FRMPD2: variants seen among roughly 807,000 people sequenced by gnomAD.
The protein encoded by FRMPD2 is FERM and PDZ domain-containing protein 2.
FRMPD2 carries 96 observed loss-of-function variants against 140.1 expected under a neutral mutation model. The observed-to-expected ratio is 0.69, with a 90% confidence interval of 0.58 to 0.81. The LOEUF (loss-of-function observed/expected upper bound fraction) is 0.81. Ranked by LOEUF, FRMPD2 falls within the 40% of genes least tolerant of loss-of-function variation. The pLI, the probability that FRMPD2 is intolerant of heterozygous loss-of-function variation, is 0.00. For missense variants in FRMPD2, 1,240 were observed against 1,447.4 expected (o/e 0.86, Z 2.32); for synonymous variants, 449 against 547.6 (o/e 0.82, Z 2.52).
At chr10:48,262,928 T>A (rs1380031137) in intron 1 of FRMPD2, among the ~76,000 whole-genome samples, 12 of 151,882 alleles carry the variant, frequency 7.9e-5, no homozygotes, top group Non-Finnish European at 1.5e-4. Context: ...AGTTTAAAAG[T>A]ACAGAAATCA....
At chr10:48,239,543 C>A in intron 7 of FRMPD2, 62 bp downstream of exon 7, 1 of 1,184,432 alleles carries the variant, frequency 8.4e-7, no homozygotes. Flanking sequence ...AATAAGGTAC[C>A]ATAGCCCCCA....
chr10:48,158,484 C>G (rs1316621624), intron 28 of FRMPD2, among the ~76,000 whole-genome samples: 2 of 149,904 alleles, frequency 1.3e-5, no homozygotes, highest in Non-Finnish European at 3.0e-5. Context: ...TCACAGCAAG[C>G]CTCATGTTTT....
Position 48,200,236 on chromosome 10 carries a change from C to T in FRMPD2, c.1954+992G>A, listed in dbSNP as rs368929631. On this transcript the variant is annotated intron_variant, in intron 15 of 28. Coordinates refer to ENST00000374201, the MANE Select transcript of FRMPD2 (RefSeq NM_001018071.4). Reference sequence around the variant, plus strand: ...GCAACCATTTGCTGACTAGAGGTCACACAGGTACTCTGAGTTCCTTGAAGA... The same window carrying T: ...GCAACCATTTGCTGACTAGAGGTCATACAGGTACTCTGAGTTCCTTGAAGA... Among the ~76,000 whole-genome samples, 5 of 151,880 alleles carry T rather than the reference C, an allele frequency of 3.3e-5. No homozygotes were observed. The East Asian group carries it at 7.7e-4, about 23-fold the overall frequency.
At chr10:48,237,888 T>G in intron 8 of FRMPD2, 103 bp downstream of exon 8, 1 of 1,367,004 alleles carries the variant, frequency 7.3e-7, no homozygotes, top group Non-Finnish European at 1.0e-6. Flanking sequence ...CCAGGGAAGT[T>G]GTCCCCTAGA....
At chr10:48,160,530 T>C (rs568522906) in intron 28 of FRMPD2, among the ~76,000 whole-genome samples, 1 of 126,474 alleles carries the variant, frequency 7.9e-6, no homozygotes, top group Admixed American at 7.7e-5. Flanking sequence ...GCTATTTCTT[T>C]TGACCTGCAC....
chr10:48,173,517 C>T (rs1275944466), intron 24 of FRMPD2, among the ~76,000 whole-genome samples: 1 of 151,434 alleles, frequency 6.6e-6, no homozygotes, highest in Non-Finnish European at 1.5e-5. Flanking sequence ...TCCCCTCCAC[C>T]TCCTCTCTCA....
chr10:48,263,688 AG>A (rs948511255), intron 1 of FRMPD2, among the ~76,000 whole-genome samples: 1 of 152,150 alleles, frequency 6.6e-6, no homozygotes, highest in African/African-American at 2.4e-5. Flanking sequence ...CCAGGCCCAA[AG>A]GATTTCACTG....
At chr10:48,220,345 C>A (rs1357211748) in intron 12 of FRMPD2, among the ~76,000 whole-genome samples, 1 of 152,152 alleles carries the variant, frequency 6.6e-6, no homozygotes, top group African/African-American at 2.4e-5. Flanking sequence ...GGAAAGGACA[C>A]CCTATTCAAC....
At chr10:48,265,809 A>T (rs1840667560) in intron 1 of FRMPD2, among the ~76,000 whole-genome samples, 1 of 152,226 alleles carries the variant, frequency 6.6e-6, no homozygotes, top group African/African-American at 2.4e-5. Flanking sequence ...CAGTGTAGAA[A>T]TTCCTCAAAG....
chr10:48,203,668 C>T (rs913424258), intron 14 of FRMPD2, among the ~76,000 whole-genome samples: 16 of 152,084 alleles, frequency 1.1e-4, no homozygotes, highest in African/African-American at 3.6e-4. Flanking sequence ...GTATTTGATA[C>T]ATCTTTGTAT....
intron 14 of FRMPD2, among the ~76,000 whole-genome samples, chr10:48,204,966 TGCTTTGG>T (rs1464249657): frequency 6.6e-6 from 1 of 152,244 alleles, no homozygotes; most frequent in African/African-American, 2.4e-5. Flanking sequence ...TTTCCTTTGC[TGCTTTGG>T]TGCAGGCTGG....
Position 48,223,211 on chromosome 10 carries a change from A to G in FRMPD2, c.1228T>C (p.Trp410Arg), listed in dbSNP as rs763580548. The change falls in exon 11 of 29, where the codon TGG becomes CGG. Residue 410 changes from tryptophan (W) to arginine (R), a missense_variant. Transcript: ENST00000374201. ...GAGGTCTTCTGAGGCTGCTCTCTCC[A>G]GCCTTCAGGAGCTATTTTGCACAAT... is the stretch of plus-strand genomic sequence containing the variant. ...TRLCKIAPEG[W>R]REQPQKTSMN... 1 of 1,613,926 alleles carries G rather than the reference A, an allele frequency of 6.2e-7. No individual in the cohort carries two copies. The highest frequency in any genetic ancestry group is 8.5e-7 in the Non-Finnish European group (1 of 1,179,936).
rs1295929505 is a variant in FRMPD2 at position 48,206,871 on chromosome 10, C to T, written c.1674G>A (p.Arg558=). The stretch of plus-strand genomic sequence containing the variant: ...TCCCCAGGGCCATCTCCTCTTCTGG[C>T]CTCCTCTTCTCTGAGAATACTTGGT... ...LVHQVFSEKR[R]PEEEMALGIC... The change falls in exon 14 of 29, where the codon AGG becomes AGA. Residue 558 remains arginine, a synonymous_variant. Coordinates refer to ENST00000374201, the MANE Select transcript of FRMPD2 (RefSeq NM_001018071.4). The T allele has an allele frequency of 1.2e-6, 2 of 1,613,980 alleles. No homozygotes were observed. Among genetic ancestry groups the T allele is most frequent in the African/African-American group, 2.7e-5 (2 of 74,916 alleles).
intron 3 of FRMPD2, among the ~76,000 whole-genome samples, chr10:48,248,077 G>T (rs1267138788): frequency 6.6e-6 from 1 of 152,160 alleles, no homozygotes; most frequent in Non-Finnish European, 1.5e-5. Flanking sequence ...GCCTTTCAGA[G>T]CCTGGAGGGA....
intron 9 of FRMPD2, among the ~76,000 whole-genome samples, chr10:48,235,473 G>C (rs1333262086): frequency 1.3e-5 from 2 of 152,214 alleles, no homozygotes; most frequent in African/African-American, 4.8e-5. Flanking sequence ...CCCTTGACAG[G>C]GGGGTGCATG....
Position 48,241,425 on chromosome 10 carries a change from C to G in FRMPD2, c.567+736G>C, listed in dbSNP as rs555559682. 4.6e-3 allele frequency among the ~76,000 whole-genome samples: 694 copies of G among 152,366 alleles called. 2 individuals are homozygous for G. Among genetic ancestry groups the G allele is most frequent in the Non-Finnish European group, 6.4e-3 (436 of 68,036 alleles). On this transcript the variant is annotated intron_variant, in intron 5 of 28. Transcript: ENST00000374201. The stretch of plus-strand genomic sequence containing the variant: ...TTGCCCATCCTATCCCAGCTCCACT[C>G]AGGTCTCATGGGGGACCAACTCCAT...
intron 1 of FRMPD2, among the ~76,000 whole-genome samples, chr10:48,272,137 T>C (rs1269510631): frequency 6.6e-6 from 1 of 152,208 alleles, no homozygotes; most frequent in Non-Finnish European, 1.5e-5. Context: ...TTCTTTTTAA[T>C]AAGTCCAACA....
At chr10:48,261,594 A>G (rs1459569783) in intron 1 of FRMPD2, among the ~76,000 whole-genome samples, 1 of 152,178 alleles carries the variant, frequency 6.6e-6, no homozygotes, top group East Asian at 1.9e-4. Context: ...ACTTTCTCAG[A>G]CAAACAAAAC....
chr10:48,222,557 G>A lies in FRMPD2; in HGVS notation c.1317-106C>T, dbSNP rs17011161. The A allele has an allele frequency of 8.2e-3, 9,573 of 1,161,606 alleles. 331 individuals carry two copies. The African/African-American group carries it at 0.092, about 11-fold the overall frequency. 72.0% of individuals were successfully genotyped at this position (1,161,606 alleles called of 1,614,324 possible). On this transcript the variant is annotated intron_variant, in intron 11 of 28. Transcript: ENST00000374201. ...GGGAAGTTGGAAAAGTAGGGAAGAC[G>A]AGATGCAACTCAATAGAATTCAGAG...
Sources: gnomAD v4.1 joint callset for allele counts (sites outside exome capture counted in the v4.1 genomes callset) on GRCh38, gnomAD v4.1.1 for gene constraint, MANE v1.5 for transcripts, NCBI Gene and HGNC (gene_info 2026-07-23, HGNC 2026-07-21) for gene names.